The following KDM2A variants were observed in gnomAD, a reference collection of about 807,000 sequenced individuals.
KDM2A encodes lysine-specific demethylase 2A.
A neutral mutation model predicts 137.3 loss-of-function variants in KDM2A; 3 were observed. The observed-to-expected ratio is 0.02, with a 90% CI of 0.01 to 0.06. The LOEUF is 0.06. Among genes scored for constraint, KDM2A ranks in the 10% least tolerant of loss-of-function variants. The pLI, the probability that KDM2A is intolerant of heterozygous loss-of-function variation, is 1.00. For synonymous variants in KDM2A, 512 were observed against 541.5 expected, an observed-to-expected ratio of 0.95 and a Z score of 0.76; for missense variants, 738 against 1,510.6, an observed-to-expected ratio of 0.49 and a Z score of 8.48.
intron 12 of KDM2A, chr11:67,240,035 C>T: frequency 7.7e-7 from 1 of 1,305,182 alleles, no homozygotes; most frequent in Non-Finnish European, 9.7e-7. Flanking sequence ...GCTCCCCCTC[C>T]TGCCATCTTC....
chr11:67,231,374 G>A (rs895169230), intron 11 of KDM2A, among the ~76,000 whole-genome samples, 192 bp from the exon 12 acceptor site: 15 of 152,102 alleles, frequency 9.9e-5, no homozygotes, highest in African/African-American at 3.6e-4. Context: ...TCCTAGGTCA[G>A]GATCCTGTTT....
At chr11:67,183,237 A>G (rs1857129126) in intron 5 of KDM2A, among the ~76,000 whole-genome samples, 1 of 152,228 alleles carries the variant, frequency 6.6e-6, no homozygotes, top group South Asian at 2.1e-4. Flanking sequence ...TACTCGTCAC[A>G]AGACAGAACA....
At chr11:67,252,554 A>G (rs762894792) in intron 17 of KDM2A, 140 bp from the exon 18 acceptor site, 1 of 945,088 alleles carries the variant, frequency 1.1e-6, no homozygotes. Context: ...GAGGCAAAAA[A>G]TGATAAGGTG....
At chr11:67,125,874 C>G (rs1435014122) in intron 2 of KDM2A, among the ~76,000 whole-genome samples, 12 of 137,634 alleles carry the variant, frequency 8.7e-5, no homozygotes, top group African/African-American at 2.0e-4. Context: ...AACCGGGAGG[C>G]AGAGGTTGCA....
rs1859525347 is a variant in KDM2A at position 67,254,116 on chromosome 11, C to T, written c.3092-87C>T. ...ACTTAACCCCTTCAAGGGGGCCTGGCCAGCAAGTAGCTGTTGCTGCCTGGA... is the reference window on the plus strand; with the variant it reads ...ACTTAACCCCTTCAAGGGGGCCTGGTCAGCAAGTAGCTGTTGCTGCCTGGA... On this transcript the variant is annotated intron_variant, in intron 19 of 20. Coordinates refer to ENST00000529006, the MANE Select transcript of KDM2A (RefSeq NM_012308.3). This position sits in a 1 kb window ranked among gnomAD's most constrained non-coding sequence, Gnocchi z 4.7. The T allele has an allele frequency of 1.6e-6, 2 of 1,235,600 alleles. No homozygotes were observed. Among genetic ancestry groups the T allele is most frequent in the Non-Finnish European group, 2.3e-6 (2 of 882,056 alleles). The allele number at this position is 1,235,600 out of a possible 1,614,324, so 76.5% of individuals were successfully genotyped here.
intron 11 of KDM2A, among the ~76,000 whole-genome samples, chr11:67,228,412 C>T (rs1355321256): frequency 1.3e-5 from 2 of 152,094 alleles, no homozygotes; most frequent in African/African-American, 4.8e-5. Context: ...GATGATCAAG[C>T]CGGACACGCT....
intron 6 of KDM2A, among the ~76,000 whole-genome samples, chr11:67,212,672 A>T (rs1376973517): frequency 6.6e-6 from 1 of 152,130 alleles, no homozygotes; most frequent in African/African-American, 2.4e-5. Flanking sequence ...GTTACCACAA[A>T]TTCTCTCTGT....
Position 67,228,160 on chromosome 11 carries a change from A to T in KDM2A, c.1081A>T (p.Met361Leu). 1 of 1,613,878 alleles carries T rather than the reference A, an allele frequency of 6.2e-7. No individual in the cohort carries two copies. The highest frequency in any genetic ancestry group is 8.5e-7 in the Non-Finnish European group (1 of 1,179,808). Reference sequence around the variant, plus strand: ...GGAATTTCAGAAAGAGTCCCTCAGCATGGGTAAGTATTCTGCCTATAGGAG... The same window carrying T: ...GGAATTTCAGAAAGAGTCCCTCAGCTTGGGTAAGTATTCTGCCTATAGGAG... Reference protein sequence around the residue: ...TKEFQKESLSMDLELNGLESG... With the variant: ...TKEFQKESLSLDLELNGLESG... Residue 361 changes from methionine to leucine, a missense_variant, in exon 11 of 21, where the codon ATG becomes TTG. By Grantham distance (15) the Met-to-Leu change is conservative (BLOSUM62 2). Coordinates refer to ENST00000529006, the MANE Select transcript of KDM2A (RefSeq NM_012308.3).
chr11:67,212,341 G>A (rs1364539408), intron 6 of KDM2A, among the ~76,000 whole-genome samples: 1 of 152,074 alleles, frequency 6.6e-6, no homozygotes, highest in African/African-American at 2.4e-5. Flanking sequence ...AGGTAAGAAG[G>A]GCAACTTTTA....
In KDM2A at chr11:67,189,671, C is replaced by T. The variant is rs577768789; in HGVS notation, c.307+7779C>T. Among the ~76,000 whole-genome samples, 5 of 152,212 alleles carry T rather than the reference C, an allele frequency of 3.3e-5. No individual in the cohort carries two copies. In the East Asian group the frequency reaches 9.7e-4, roughly 29 times the overall value. The stretch of plus-strand genomic sequence containing the variant: ...CCTGGTCAACATGGCGAAACCCCAT[C>T]TCTACTAAAAATACAAACATTAGCC... On this transcript the variant is annotated intron_variant, in intron 5 of 20. Transcript: ENST00000529006.
chr11:67,156,457 G>C (rs769519109), intron 2 of KDM2A, among the ~76,000 whole-genome samples: 5 of 151,806 alleles, frequency 3.3e-5, no homozygotes, highest in East Asian at 1.9e-4. Flanking sequence ...GGTGGCTCTC[G>C]GCTGTAATCC....
chr11:67,185,620 C>T (rs1857184448), intron 5 of KDM2A, among the ~76,000 whole-genome samples: 3 of 149,282 alleles, frequency 2.0e-5, no homozygotes, highest in East Asian at 2.0e-4. Context: ...GCCTTGGTGA[C>T]GAGCGAAACT....
At chr11:67,217,626 C>G (rs1378865183) in intron 8 of KDM2A, 105 bp from the exon 9 acceptor site, 6 of 1,175,996 alleles carry the variant, frequency 5.1e-6, no homozygotes, top group African/African-American at 1.5e-5. Context: ...AATTGCTTGC[C>G]TTTCTTCTAC....
chr11:67,221,865 T>C (rs1196988930), intron 10 of KDM2A, among the ~76,000 whole-genome samples: 1 of 151,600 alleles, frequency 6.6e-6, no homozygotes, highest in African/African-American at 2.4e-5. Flanking sequence ...AACCTAGGAG[T>C]TCCAGGTTGC....
rs1270218704 is a variant in KDM2A, at chr11:67,195,364, G to A, written c.308-12146G>A. ...AGCCTGGGTGATCGAGTGAGACTCC[G>A]TCTCCAAAAAAAAAAAAAAAAAAAA... On this transcript the variant is annotated intron_variant, in intron 5 of 20. Coordinates refer to ENST00000529006, the MANE Select transcript of KDM2A (RefSeq NM_012308.3). 5.6e-5 allele frequency among the ~76,000 whole-genome samples: 4 copies of A among 71,490 alleles called. No homozygotes were observed. The South Asian group carries it at 2.3e-3, about 41-fold the overall frequency. The allele number at this position is 71,490 out of a possible 152,430, so 46.9% of individuals were successfully genotyped here.
At chr11:67,240,210 G>A in intron 12 of KDM2A, 1 of 1,535,070 alleles carries the variant, frequency 6.5e-7, no homozygotes, top group Non-Finnish European at 8.7e-7. Flanking sequence ...CCTGCCCTAT[G>A]TGCTCTGGGA....
In KDM2A at chr11:67,215,841, CT is replaced by C. The variant is rs750426210; in HGVS notation, c.594-8del. The C allele has an allele frequency of 1.9e-6, 3 of 1,609,808 alleles. No homozygotes were observed. Among genetic ancestry groups the C allele is most frequent in the Non-Finnish European group, 2.6e-6 (3 of 1,176,290 alleles). Reference sequence around the variant, plus strand: ...TTCCATCAGTACACTAATGCTGCTGCTTTTTTTGGGTCAGGTACTGTCTAAT... The same window carrying C: ...TTCCATCAGTACACTAATGCTGCTGCTTTTTTGGGTCAGGTACTGTCTAAT... On this transcript the variant is annotated splice_polypyrimidine_tract_variant and intron_variant, in intron 7 of 20. Coordinates refer to ENST00000529006, the MANE Select transcript of KDM2A (RefSeq NM_012308.3).
At chr11:67,189,268 A>G (rs376158278) in intron 5 of KDM2A, among the ~76,000 whole-genome samples, 62 of 152,376 alleles carry the variant, frequency 4.1e-4, no homozygotes, top group African/African-American at 1.4e-3. Context: ...TGGAAAGGTC[A>G]CAAAATTGTG....
At chr11:67,139,019 T>C (rs534097826) in intron 2 of KDM2A, among the ~76,000 whole-genome samples, 2 of 152,320 alleles carry the variant, frequency 1.3e-5, no homozygotes, top group Non-Finnish European at 2.9e-5. Context: ...AAACCACTAA[T>C]GGTATCTTAG....
Sources: allele counts gnomAD v4.1 joint callset (sites outside exome capture counted in the v4.1 genomes callset), GRCh38; gene constraint gnomAD v4.1.1; non-coding constraint Gnocchi (gnomAD v3.1); transcripts MANE v1.5; gene names NCBI Gene and HGNC (gene_info 2026-07-23, HGNC 2026-07-21).